The following SLC12A1 variants were observed in gnomAD, a reference collection of about 807,000 sequenced individuals.
The protein encoded by SLC12A1 is solute carrier family 12 member 1.
SLC12A1 carries 89 observed loss-of-function variants against 130.4 expected under a neutral mutation model. The ratio of observed to expected loss-of-function variants is 0.68; its 90% confidence interval spans 0.58 to 0.81. The LOEUF is 0.81. Among genes scored for constraint, SLC12A1 ranks in the 40% least tolerant of loss-of-function variants. The probability of loss-of-function intolerance (pLI) is 0.00; values close to 1 mark genes in which losing one functional copy is unlikely to be tolerated. For synonymous variants in SLC12A1, 499 were observed against 460.0 expected (o/e 1.08, Z -1.09); for missense variants, 1,310 against 1,336.4 (o/e 0.98, Z 0.31).
chr15:48,224,898 C>T (rs751484734), intron 4 of SLC12A1: 14 of 152,186 alleles, frequency 9.2e-5, no homozygotes, highest in Non-Finnish European at 1.3e-4. Context: ...CTACCACTTT[C>T]TCCCTCTCTT....
chr15:48,252,884 G>A (rs1031930516), intron 15 of SLC12A1, among the ~76,000 whole-genome samples: 1 of 152,150 alleles, frequency 6.6e-6, no homozygotes, highest in Non-Finnish European at 1.5e-5. Flanking sequence ...AAGGATCACA[G>A]GGAGAGCCTG....
intron 13 of SLC12A1, among the ~76,000 whole-genome samples, chr15:48,248,456 CATTAGATAA>C (rs1265024922): frequency 1.3e-5 from 2 of 152,240 alleles, no homozygotes; most frequent in African/African-American, 4.8e-5. Context: ...GTCTTGTATA[CATTAGATAA>C]TATCCTTTAA....
At chr15:48,218,571 A>G (rs571213348) in intron 2 of SLC12A1, among the ~76,000 whole-genome samples, 1 of 152,298 alleles carries the variant, frequency 6.6e-6, no homozygotes, top group Non-Finnish European at 1.5e-5. Context: ...AAACTTTGAT[A>G]ATAAATATGG....
chr15:48,209,179 A>G (rs960677719), intron 2 of SLC12A1, among the ~76,000 whole-genome samples: 2 of 152,162 alleles, frequency 1.3e-5, no homozygotes, highest in African/African-American at 2.4e-5. Flanking sequence ...CTTCTGCCTC[A>G]GCCCCCTGAG....
chr15:48,216,205 C>G (rs1213374847), intron 2 of SLC12A1, among the ~76,000 whole-genome samples: 5 of 152,122 alleles, frequency 3.3e-5, no homozygotes, highest in Non-Finnish European at 5.9e-5. Flanking sequence ...CTAACTTGCA[C>G]ATATAGTGGT....
chr15:48,298,530 C>A (rs1344684379), intron 24 of SLC12A1, among the ~76,000 whole-genome samples: 1 of 152,190 alleles, frequency 6.6e-6, no homozygotes, highest in Non-Finnish European at 1.5e-5. Flanking sequence ...TCTCAGACAG[C>A]AACATCAAAC....
chr15:48,243,312 T>C (rs190406832), intron 10 of SLC12A1, among the ~76,000 whole-genome samples: 2 of 152,178 alleles, frequency 1.3e-5, no homozygotes, highest in Admixed American at 1.3e-4. Context: ...CTCAGTACTA[T>C]GATTAAAAGG....
Position 48,288,056 on chromosome 15 carries a change from C to T in SLC12A1, c.2643C>T (p.Asn881=), listed in dbSNP as rs149766108. 2.5e-6 allele frequency: 4 copies of T among 1,611,006 alleles called. No individual in the cohort carries two copies. Among genetic ancestry groups the T allele is most frequent in the East Asian group, 2.2e-5 (1 of 44,820 alleles). Residue 881 remains asparagine, a synonymous_variant, in exon 22 of 27, where the codon AAC becomes AAT. Transcript: ENST00000380993. ...CTTTCGTTTCAGATGGCAGCATTAA[C>T]ACAAGCCAGTCGATGCATGTGGGAG... ...KTTPKKDGSI[N]TSQSMHVGEF... is the part of the protein sequence containing the mutation.
chr15:48,230,636 T>C lies in SLC12A1; in HGVS notation c.975+133T>C. 3 of 661,816 alleles carry C rather than the reference T, an allele frequency of 4.5e-6. No individual in the cohort carries two copies. The South Asian group carries it at 5.4e-5, about 12-fold the overall frequency. The allele number at this position is 661,816 out of a possible 1,614,324, so 41.0% of individuals were successfully genotyped here. A position where few individuals can be genotyped will look rare whatever the true frequency, so the allele number is the denominator to read the frequency against. ...TATGGTGAAATGAGCAGGCAAGTGC[T>C]AGGTGGAACACCAAGCCTGCAAAGC... On this transcript the variant is annotated intron_variant, in intron 7 of 26. Coordinates refer to ENST00000380993, the MANE Select transcript of SLC12A1 (RefSeq NM_000338.3).
chr15:48,242,925 C>T (rs2041534242), intron 10 of SLC12A1, among the ~76,000 whole-genome samples: 1 of 152,126 alleles, frequency 6.6e-6, no homozygotes, highest in African/African-American at 2.4e-5. Context: ...ACTTTGAAAC[C>T]ACTAAAGTTA....
chr15:48,234,424 C>T lies in SLC12A1; in HGVS notation c.1088-453C>T, dbSNP rs72737964. Among the ~76,000 whole-genome samples, 447 of 152,294 alleles carry T rather than the reference C, an allele frequency of 2.9e-3. 2 individuals are homozygous for T. Among genetic ancestry groups the T allele is most frequent in the Non-Finnish European group, 5.4e-3 (366 of 68,020 alleles). On this transcript the variant is annotated intron_variant, in intron 8 of 26. Coordinates refer to ENST00000380993, the MANE Select transcript of SLC12A1 (RefSeq NM_000338.3). Reference sequence around the variant, plus strand: ...CATAAAGCTCCTCAGGAGTACACCACATCTTCAAGTTCATTCCATTTAGAA... The same window carrying T: ...CATAAAGCTCCTCAGGAGTACACCATATCTTCAAGTTCATTCCATTTAGAA...
rs562373803 is a variant in SLC12A1 at position 48,214,394 on chromosome 15, T to C, written c.421-6240T>C. On this transcript the variant is annotated intron_variant, in intron 2 of 26. Coordinates refer to ENST00000380993, the MANE Select transcript of SLC12A1 (RefSeq NM_000338.3). ...TATTAAGAACCTTTCCATTTTCTTT[T>C]TCATATGCCAGTTTATTGCACATAG... 5.3e-5 allele frequency among the ~76,000 whole-genome samples: 8 copies of C among 152,348 alleles called. No individual in the cohort carries two copies. In the South Asian group the frequency reaches 1.7e-3, roughly 32 times the overall value.
chr15:48,235,635 G>GAT (rs2141041178), intron 9 of SLC12A1, among the ~76,000 whole-genome samples: 1 of 152,080 alleles, frequency 6.6e-6, no homozygotes, highest in South Asian at 2.1e-4. Context: ...GCAAGACCCT[G>GAT]ATCTCTTTAA....
intron 7 of SLC12A1, among the ~76,000 whole-genome samples, chr15:48,231,174 C>T (rs1452138853): frequency 6.6e-6 from 1 of 152,134 alleles, no homozygotes; most frequent in Admixed American, 6.5e-5. Context: ...CAATAGAAAA[C>T]ATTCCTACAT....
intron 17 of SLC12A1, among the ~76,000 whole-genome samples, chr15:48,266,776 G>A (rs1355821989): frequency 6.6e-6 from 1 of 152,156 alleles, no homozygotes; most frequent in East Asian, 1.9e-4. Context: ...ATCATGAGAA[G>A]AAAAGAACTA....
intron 10 of SLC12A1, among the ~76,000 whole-genome samples, chr15:48,242,575 A>G (rs2041529026): frequency 6.6e-6 from 1 of 152,148 alleles, no homozygotes. Context: ...GGCTGAGGCC[A>G]GAGGATTGCT....
chr15:48,299,843 G>A (rs2042213924), intron 25 of SLC12A1, among the ~76,000 whole-genome samples: 1 of 152,122 alleles, frequency 6.6e-6, no homozygotes, highest in South Asian at 2.1e-4. Flanking sequence ...AAATGAAGTT[G>A]GTGATAATGA....
rs1457606402 is a variant in SLC12A1 at position 48,240,079 on chromosome 15, A to G, written c.1216-1436A>G. Among the ~76,000 whole-genome samples, 84 of 110,452 alleles carry G rather than the reference A, an allele frequency of 7.6e-4. 3 individuals carry two copies. The highest frequency in any genetic ancestry group is 2.6e-3 in the South Asian group (10 of 3,828). 72.5% of individuals were successfully genotyped at this position (110,452 alleles called of 152,430 possible). A position where few individuals can be genotyped will look rare whatever the true frequency, so the allele number is the denominator to read the frequency against. Reference sequence around the variant, plus strand: ...TATATATATATATATATCCATATATATATATATATATCCATATATATATAT... The same window carrying G: ...TATATATATATATATATCCATATATGTATATATATATCCATATATATATAT... On this transcript the variant is annotated intron_variant, in intron 9 of 26. Coordinates refer to ENST00000380993, the MANE Select transcript of SLC12A1 (RefSeq NM_000338.3).
chr15:48,238,710 T>C (rs189326578), intron 9 of SLC12A1, among the ~76,000 whole-genome samples: 1 of 152,312 alleles, frequency 6.6e-6, no homozygotes, highest in Admixed American at 6.5e-5. Context: ...TCGGTCAGTT[T>C]AGAAAACATT....
Sources: allele counts gnomAD v4.1 joint callset (sites outside exome capture counted in the v4.1 genomes callset), GRCh38; gene constraint gnomAD v4.1.1; transcripts MANE v1.5; gene names NCBI Gene and HGNC (gene_info 2026-07-23, HGNC 2026-07-21).